Variants in RIPK2 observed in about 807,000 individuals in gnomAD.
RIPK2 encodes receptor-interacting serine/threonine-protein kinase 2.
In RIPK2, 38 loss-of-function variants were observed where a neutral mutation model predicts 60.9. That is an observed-to-expected ratio of 0.62 (90% CI 0.48 to 0.82). RIPK2 has a LOEUF of 0.82. Among genes scored for constraint, RIPK2 ranks in the 40% least tolerant of loss-of-function variants. The pLI, the probability that RIPK2 is intolerant of heterozygous loss-of-function variation, is 0.00. For synonymous variants in RIPK2, 225 were observed against 223.4 expected (o/e 1.01, Z -0.06); for missense variants, 518 against 647.0 (o/e 0.80, Z 2.16).
intron 2 of RIPK2, 85 bp from the exon 3 acceptor site, chr8:89,765,256 C>A: frequency 1.1e-6 from 1 of 933,140 alleles, no homozygotes; most frequent in Non-Finnish European, 1.6e-6. Context: ...ACTGTATTTC[C>A]TCATGGAATA....
In RIPK2 at chr8:89,785,443, C is replaced by CA. The variant is rs371898810; in HGVS notation, c.1030-1139dup. ...CAGTCCACCCTGGGCGACTCCACCT[C>CA]AAAAAAAAAAACTTTGTTTCAGGTA... On this transcript the variant is annotated intron_variant, in intron 8 of 10. Transcript: ENST00000220751. Among the ~76,000 whole-genome samples the CA allele has an allele frequency of 7.7e-4, 109 of 142,288 alleles. No homozygotes were observed. The Middle Eastern group carries it at 0.015, about 19-fold the overall frequency. 93.3% of individuals were successfully genotyped at this position (142,288 alleles called of 152,430 possible). A position where few individuals can be genotyped will look rare whatever the true frequency, so the allele number is the denominator to read the frequency against.
At chr8:89,785,367 C>G (rs566656092) in intron 8 of RIPK2, among the ~76,000 whole-genome samples, 57 of 151,978 alleles carry the variant, frequency 3.8e-4, no homozygotes, top group African/African-American at 1.3e-3. Flanking sequence ...CCCAGCTACT[C>G]GGGGGGTTGA....
intron 6 of RIPK2, 85 bp downstream of exon 6, chr8:89,772,913 C>CAA (rs1416833271): frequency 1.1e-6 from 1 of 900,070 alleles, no homozygotes; most frequent in Non-Finnish European, 1.6e-6. Context: ...AAAAATTGTG[C>CAA]AAATTAGATG....
intron 1 of RIPK2, among the ~76,000 whole-genome samples, chr8:89,760,690 C>A (rs1163951041): frequency 6.6e-6 from 1 of 152,168 alleles, no homozygotes; most frequent in East Asian, 1.9e-4. Flanking sequence ...TTTTCTGAGC[C>A]TTAGTGCCCT....
chr8:89,764,923 C>T (rs532065740), intron 2 of RIPK2, among the ~76,000 whole-genome samples: 1 of 151,992 alleles, frequency 6.6e-6, no homozygotes, highest in Non-Finnish European at 1.5e-5. Context: ...TTGGTATTTA[C>T]TAGAAAAAAA....
At chr8:89,772,591 T>C (rs1391491358) in intron 5 of RIPK2, 76 bp from the exon 6 acceptor site, 1 of 1,053,416 alleles carries the variant, frequency 9.5e-7, no homozygotes, top group Non-Finnish European at 1.4e-6. Flanking sequence ...TTATTTTCTT[T>C]TAGTTAGTTT....
chr8:89,768,784 A>AT (rs1192920100), intron 3 of RIPK2, among the ~76,000 whole-genome samples: 2 of 151,458 alleles, frequency 1.3e-5, no homozygotes, highest in African/African-American at 2.4e-5. Context: ...GGAGGCCATA[A>AT]TTTTTTTTAT....
chr8:89,790,456 T>C lies in RIPK2; in HGVS notation c.*40T>C. 1 of 1,391,122 alleles carries C rather than the reference T, an allele frequency of 7.2e-7. No homozygotes were observed. The highest frequency in any genetic ancestry group is 9.8e-7 in the Non-Finnish European group (1 of 1,020,052). The allele number at this position is 1,391,122 out of a possible 1,614,324, so 86.2% of individuals were successfully genotyped here. Reference sequence around the variant, plus strand: ...AGAAGAAATGTGTTTCATAAAAGGATATTTATATCTCTGTTGCTTTGACTT... The same window carrying C: ...AGAAGAAATGTGTTTCATAAAAGGACATTTATATCTCTGTTGCTTTGACTT... On this transcript the variant is annotated 3_prime_UTR_variant, in exon 11 of 11. Transcript: ENST00000220751.
intron 5 of RIPK2, 47 bp from the exon 6 acceptor site, chr8:89,772,620 T>C: frequency 7.2e-7 from 1 of 1,381,880 alleles, no homozygotes. Context: ...AGTAATATGC[T>C]TAATCATAAT....
At chr8:89,765,046 G>A (rs921275872) in intron 2 of RIPK2, among the ~76,000 whole-genome samples, 27 of 151,970 alleles carry the variant, frequency 1.8e-4, no homozygotes, top group African/African-American at 6.3e-4. Context: ...CAGATACAAA[G>A]TAATTGAGAT....
At chr8:89,781,720 C>G (rs575629712) in intron 7 of RIPK2, among the ~76,000 whole-genome samples, 2 of 152,212 alleles carry the variant, frequency 1.3e-5, no homozygotes, top group African/African-American at 4.8e-5. Flanking sequence ...TGCCTGAAAC[C>G]ATGGGTAGCA....
At chr8:89,759,916 G>C (rs758934213) in intron 1 of RIPK2, among the ~76,000 whole-genome samples, 1 of 152,164 alleles carries the variant, frequency 6.6e-6, no homozygotes, top group Non-Finnish European at 1.5e-5. Flanking sequence ...TGAAGAGGGA[G>C]TTTCCTTCCC....
rs1809543196 is a variant in RIPK2, at chr8:89,784,057, G to C, written c.947G>C (p.Ser316Thr). The C allele has an allele frequency of 2.0e-6, 3 of 1,518,572 alleles. No homozygotes were observed. The African/African-American group carries it at 4.3e-5, about 22-fold the overall frequency. The allele number at this position is 1,518,572 out of a possible 1,614,324, so 94.1% of individuals were successfully genotyped here. A position where few individuals can be genotyped will look rare whatever the true frequency, so the allele number is the denominator to read the frequency against. ...TTTATGTATTCATTACAGTTACAGA[G>C]TGTTTCAAGTGCCATTCACCTATGT... ...VIQLKKTKLQ[S>T]VSSAIHLCDK... The change falls in exon 8 of 11, where the codon AGT (serine) becomes ACT (threonine). Residue 316 changes from serine to threonine, a missense_variant. Ser to Thr is a moderately conservative substitution (Grantham distance 58, BLOSUM62 1). Coordinates refer to ENST00000220751, the MANE Select transcript of RIPK2 (RefSeq NM_003821.6).
chr8:89,790,410 CATGT>C lies in RIPK2; in HGVS notation c.1619_1622del (p.Met540LysfsTer2). ...CTTTAAATTTACTTCAAAATAAAAGCATGTAAGTGACTGTTTTTCAAGAAGAAAT... is the reference window on the plus strand; with the variant it reads ...CTTTAAATTTACTTCAAAATAAAAGCAAGTGACTGTTTTTCAAGAAGAAAT... On this transcript the variant is annotated frameshift_variant and stop_lost, in exon 11 of 11. Transcript: ENST00000220751. LOFTEE classifies it high-confidence loss of function. 1 of 1,569,360 alleles carries C rather than the reference CATGT, an allele frequency of 6.4e-7. No individual in the cohort carries two copies. Among genetic ancestry groups the C allele is most frequent in the South Asian group, 1.2e-5 (1 of 86,014 alleles).
intron 9 of RIPK2, among the ~76,000 whole-genome samples, chr8:89,787,742 T>A (rs1809609667): frequency 6.6e-6 from 1 of 152,014 alleles, no homozygotes; most frequent in African/African-American, 2.4e-5. Context: ...AGCAAGGGAG[T>A]GACATAAAAT....
At chr8:89,772,879 A>G in intron 6 of RIPK2, 51 bp downstream of exon 6, 2 of 1,237,826 alleles carry the variant, frequency 1.6e-6, no homozygotes, top group Non-Finnish European at 2.2e-6. Context: ...ATTAGTTAAT[A>G]TACTGTGAAT....
At chr8:89,776,233 A>G (rs534592650) in intron 6 of RIPK2, among the ~76,000 whole-genome samples, 29 of 152,308 alleles carry the variant, frequency 1.9e-4, no homozygotes, top group African/African-American at 7.0e-4. Context: ...AATTCCTCCT[A>G]TACTTCTCTT....
In RIPK2 at chr8:89,759,536, C is replaced by G. The variant is rs1036524008; in HGVS notation, c.173+1303C>G. On this transcript the variant is annotated intron_variant, in intron 1 of 10. Transcript: ENST00000220751. ...TGCCTGTGGCTTTTCTTCATTGTCT[C>G]TCACTGTCAGGCTTCGATGGCCTAA... is the stretch of plus-strand genomic sequence containing the variant. The G allele has an allele frequency of 1.3e-5, 5 of 398,338 alleles. 1 individual carries two copies. Among genetic ancestry groups the G allele is most frequent in the South Asian group, 9.1e-5 (5 of 54,872 alleles). 24.7% of individuals were successfully genotyped at this position (398,338 alleles called of 1,614,324 possible).
At chr8:89,778,360 G>A (rs1236839096) in intron 6 of RIPK2, among the ~76,000 whole-genome samples, 1 of 151,990 alleles carries the variant, frequency 6.6e-6, no homozygotes. Flanking sequence ...TACATTCATT[G>A]ACTTTTTAGT....
Sources: allele counts gnomAD v4.1 joint callset (sites outside exome capture counted in the v4.1 genomes callset), GRCh38; gene constraint gnomAD v4.1.1; transcripts MANE v1.5; gene names NCBI Gene and HGNC (gene_info 2026-07-23, HGNC 2026-07-21).